Variants in BCKDHB observed in about 807,000 individuals in gnomAD.
BCKDHB encodes branched chain keto acid dehydrogenase E1 subunit beta, also known as 2-oxoisovalerate dehydrogenase subunit beta, mitochondrial.
Under a neutral mutation model 48.5 loss-of-function variants are expected in BCKDHB, and 41 were observed. That is an observed-to-expected ratio of 0.85 (90% CI 0.66 to 1.10). The LOEUF (loss-of-function observed/expected upper bound fraction) is 1.10, where lower values mean the gene tolerates loss of function less well. Among genes scored for constraint, BCKDHB ranks in the 50% least tolerant of loss-of-function variants. The pLI is 0.00. For synonymous variants in BCKDHB, 201 were observed against 174.8 expected, an observed-to-expected ratio of 1.15 and a Z score of -1.18; for missense variants, 496 against 494.2, an observed-to-expected ratio of 1.00 and a Z score of -0.03.
intron 9 of BCKDHB, among the ~76,000 whole-genome samples, chr6:80,340,791 T>TTGTG (rs1171906630): frequency 6.6e-6 from 1 of 151,586 alleles, no homozygotes; most frequent in Non-Finnish European, 1.5e-5. Context: ...GTGTGTGTGT[T>TTGTG]TGTGTGTGTG....
At chr6:80,325,553 A>G (rs147282518) in intron 9 of BCKDHB, among the ~76,000 whole-genome samples, 1 of 152,346 alleles carries the variant, frequency 6.6e-6, no homozygotes, top group East Asian at 1.9e-4. Context: ...GCCCATAACT[A>G]TTAATTTTAG....
intron 1 of BCKDHB, among the ~76,000 whole-genome samples, chr6:80,124,356 G>A (rs1770218204): frequency 6.6e-6 from 1 of 152,320 alleles, no homozygotes. Flanking sequence ...GTGCTGAGAA[G>A]AATGTGTATT....
the BCKDHB span, among the ~76,000 whole-genome samples, chr6:80,383,728 T>G: frequency 6.6e-6 from 1 of 152,252 alleles, no homozygotes; most frequent in East Asian, 1.9e-4. Flanking sequence ...AGCATAAAAT[T>G]GCAGTATCTT....
At chr6:80,245,888 C>T (rs1411710868) in intron 8 of BCKDHB, among the ~76,000 whole-genome samples, 1 of 152,036 alleles carries the variant, frequency 6.6e-6, no homozygotes, top group Non-Finnish European at 1.5e-5. Context: ...CCAGCCTGGG[C>T]AATATGATGA....
the BCKDHB span, among the ~76,000 whole-genome samples, chr6:80,392,056 G>C: frequency 2.0e-5 from 3 of 152,052 alleles, no homozygotes; most frequent in Admixed American, 6.6e-5. Flanking sequence ...GCAGTGGCAT[G>C]ATCTCAGCTC....
chr6:80,447,168 C>T, the BCKDHB span, among the ~76,000 whole-genome samples: 2 of 152,014 alleles, frequency 1.3e-5, no homozygotes, highest in Non-Finnish European at 2.9e-5. Flanking sequence ...AAGTCCAATC[C>T]AGAATCATCT....
At chr6:80,414,033 C>T in the BCKDHB span, among the ~76,000 whole-genome samples, 2 of 152,014 alleles carry the variant, frequency 1.3e-5, no homozygotes, top group Non-Finnish European at 2.9e-5. Flanking sequence ...GTTTGATTTG[C>T]ATTTCTTTAA....
intron 8 of BCKDHB, among the ~76,000 whole-genome samples, chr6:80,239,542 T>C (rs1776291499): frequency 6.6e-6 from 1 of 152,152 alleles, no homozygotes; most frequent in Non-Finnish European, 1.5e-5. Flanking sequence ...TTTTCTCCCA[T>C]TCTGTAGGTT....
At chr6:80,417,288 G>C in the BCKDHB span, among the ~76,000 whole-genome samples, 1 of 151,988 alleles carries the variant, frequency 6.6e-6, no homozygotes, top group Non-Finnish European at 1.5e-5. Flanking sequence ...AGTGGGTCTT[G>C]GTTCTTTATC....
intron 9 of BCKDHB, among the ~76,000 whole-genome samples, chr6:80,341,207 A>C (rs1484352170): frequency 6.6e-6 from 1 of 152,208 alleles, no homozygotes; most frequent in Non-Finnish European, 1.5e-5. Context: ...ACTTAATGCT[A>C]CATAATTTAC....
intron 9 of BCKDHB, among the ~76,000 whole-genome samples, chr6:80,298,935 C>T (rs1463467495): frequency 2.0e-5 from 3 of 152,192 alleles, no homozygotes; most frequent in Non-Finnish European, 4.4e-5. Context: ...GCCCCATGTC[C>T]TATGGTCCCG....
At chr6:80,106,959 G>T in intron 1 of BCKDHB, 70 bp downstream of exon 1, 6 of 1,521,904 alleles carry the variant, frequency 3.9e-6, no homozygotes, top group Non-Finnish European at 5.3e-6. Flanking sequence ...GCCCGCGAGG[G>T]GCAGGGGCCG....
At chr6:80,457,792 TC>T in the BCKDHB span, among the ~76,000 whole-genome samples, 2 of 152,108 alleles carry the variant, frequency 1.3e-5, no homozygotes, top group Admixed American at 1.3e-4. Flanking sequence ...TATAGAAACC[TC>T]ACAAATTGCA....
At chr6:80,119,194 G>A (rs1418031131) in intron 1 of BCKDHB, among the ~76,000 whole-genome samples, 7 of 152,098 alleles carry the variant, frequency 4.6e-5, no homozygotes, top group Admixed American at 4.6e-4. Context: ...TGTGGTGTGA[G>A]AATTGGTTGA....
the BCKDHB span, among the ~76,000 whole-genome samples, chr6:80,402,844 C>T: frequency 6.6e-6 from 1 of 151,700 alleles, no homozygotes; most frequent in Non-Finnish European, 1.5e-5. Context: ...TTCTCAGCAC[C>T]ATTTACTGAA....
downstream of BCKDHB, among the ~76,000 whole-genome samples, chr6:80,350,790 CATTT>C (rs1183741522): frequency 6.6e-6 from 1 of 152,074 alleles, no homozygotes; most frequent in African/African-American, 2.4e-5. Flanking sequence ...TCATTTGGAA[CATTT>C]ATCTACTTAT....
At chr6:80,376,319 C>A in the BCKDHB span, among the ~76,000 whole-genome samples, 4 of 152,086 alleles carry the variant, frequency 2.6e-5, no homozygotes, top group Admixed American at 2.0e-4. Flanking sequence ...TCACCCAGCT[C>A]CCACACAGCC....
At chr6:80,264,724 C>T (rs1777441829) in intron 8 of BCKDHB, among the ~76,000 whole-genome samples, 1 of 152,056 alleles carries the variant, frequency 6.6e-6, no homozygotes, top group African/African-American at 2.4e-5. Context: ...GAAAAGAGGA[C>T]ATGGTAAACA....
chr6:80,139,738 G>T (rs1771089931), intron 3 of BCKDHB, among the ~76,000 whole-genome samples: 1 of 152,060 alleles, frequency 6.6e-6, no homozygotes, highest in South Asian at 2.1e-4. Flanking sequence ...CAGGTAGTGT[G>T]ATGCCTCCAG....
Sources: allele counts gnomAD v4.1 joint callset (sites outside exome capture counted in the v4.1 genomes callset), GRCh38; gene constraint gnomAD v4.1.1; transcripts MANE v1.5; gene names NCBI Gene and HGNC (gene_info 2026-07-23, HGNC 2026-07-21).